FGD4: variants seen among roughly 807,000 people sequenced by gnomAD.
FGD4 encodes the protein FYVE, RhoGEF and PH domain-containing protein 4.
In FGD4, 42 loss-of-function variants were observed where a neutral mutation model predicts 102.0. That is an observed-to-expected ratio of 0.41 (90% CI 0.32 to 0.53). The LOEUF (loss-of-function observed/expected upper bound fraction) is 0.53, where lower values mean the gene tolerates loss of function less well. FGD4 is among the 20% of genes least tolerant of loss of function. FGD4 has a pLI of 0.21. For synonymous variants in FGD4, 380 were observed against 375.7 expected (o/e 1.01, Z -0.13); for missense variants, 902 against 1,078.2 (o/e 0.84, Z 2.29).
rs772795536 is a variant in FGD4 at position 32,640,302 on chromosome 12, A to T, written c.2481A>T (p.Pro827=). The T allele has an allele frequency of 8.1e-6, 13 of 1,614,134 alleles. No homozygotes were observed. Among genetic ancestry groups the T allele is most frequent in the Middle Eastern group, 1.7e-4 (1 of 6,060 alleles). The change falls in exon 17 of 17, where the codon CCA becomes CCT. Residue 827 remains proline, a synonymous_variant. Coordinates refer to ENST00000534526, the MANE Select transcript of FGD4 (RefSeq NM_001370298.3). The part of the protein sequence containing the change: ...PQDVRAQATI[P]LLGYVVDEMP... ...ACGTCAGAGCCCAGGCCACCATTCC[A>T]CTTCTGGGCTATGTGGTGGATGAAA... is the stretch of plus-strand genomic sequence containing the variant.
rs1191423500 is a variant in FGD4, at chr12:32,544,200, T to C, written c.167-19937T>C. Among the ~76,000 whole-genome samples the C allele has an allele frequency of 6.6e-6, 1 of 152,014 alleles. No individual in the cohort carries two copies. Among genetic ancestry groups the C allele is most frequent in the Non-Finnish European group, 1.5e-5 (1 of 68,006 alleles). On this transcript the variant is annotated intron_variant, in intron 1 of 16. Coordinates refer to ENST00000534526, the MANE Select transcript of FGD4 (RefSeq NM_001370298.3). The surrounding 1 kb of genome is among the most constrained non-coding windows in gnomAD (Gnocchi z 4.1). ...CAGCACTTTGGGAGTCCGAGATGGG[T>C]GGATCTCCTGAGGTCAGGATTTCGA... is the stretch of plus-strand genomic sequence containing the variant.
chr12:32,565,750 A>G (rs929129365), intron 2 of FGD4, among the ~76,000 whole-genome samples: 5 of 152,176 alleles, frequency 3.3e-5, no homozygotes, highest in African/African-American at 1.2e-4. Context: ...GCTGTTGTGT[A>G]GTTATATTAA....
chr12:32,487,695 G>A (rs910031111), intron 1 of FGD4, among the ~76,000 whole-genome samples: 4 of 152,298 alleles, frequency 2.6e-5, no homozygotes, highest in African/African-American at 9.6e-5. Flanking sequence ...CCAAAATGCT[G>A]GGATTACAGG....
chr12:32,477,155 G>T (rs1226712382), intron 1 of FGD4, among the ~76,000 whole-genome samples: 1 of 152,014 alleles, frequency 6.6e-6, no homozygotes, highest in African/African-American at 2.4e-5. Context: ...GGGCGTGGTG[G>T]TGGGTGCCTG....
At chr12:32,413,489 A>G (rs1565726012) in intron 1 of FGD4, among the ~76,000 whole-genome samples, 1 of 152,208 alleles carries the variant, frequency 6.6e-6, no homozygotes, top group Non-Finnish European at 1.5e-5. Flanking sequence ...AAAGGGGAAT[A>G]TAATGCATAA....
chr12:32,639,114 A>G (rs1174700132), intron 16 of FGD4, among the ~76,000 whole-genome samples: 1 of 152,190 alleles, frequency 6.6e-6, no homozygotes, highest in African/African-American at 2.4e-5. Context: ...TAATGATAGG[A>G]AACATTAAGA....
rs1200073581 is a variant in FGD4 at position 32,573,453 on chromosome 12, AG to A, written c.320-2812del. On this transcript the variant is annotated intron_variant, in intron 2 of 16. Transcript: ENST00000534526. ...AGCATACAAGATTTCTTTTTCTTTTAGTCCTGCGTTAGATATTCCTCAGTTA... is the reference window on the plus strand; with the variant it reads ...AGCATACAAGATTTCTTTTTCTTTTATCCTGCGTTAGATATTCCTCAGTTA... Among the ~76,000 whole-genome samples the A allele has an allele frequency of 2.0e-5, 3 of 152,248 alleles. No individual in the cohort carries two copies. The East Asian group carries it at 5.8e-4, about 29-fold the overall frequency.
At chr12:32,608,855 A>G (rs903392404) in intron 8 of FGD4, among the ~76,000 whole-genome samples, 1 of 152,214 alleles carries the variant, frequency 6.6e-6, no homozygotes, top group African/African-American at 2.4e-5. Context: ...GAGACGAAGT[A>G]CGTAAAACAT....
chr12:32,529,141 A>G (rs1346715323), intron 1 of FGD4, among the ~76,000 whole-genome samples: 1 of 151,978 alleles, frequency 6.6e-6, no homozygotes, highest in Non-Finnish European at 1.5e-5. Context: ...TTTGAGACGC[A>G]GTCTCACTCT....
chr12:32,417,172 G>T (rs1043822233), intron 1 of FGD4, among the ~76,000 whole-genome samples: 1 of 152,170 alleles, frequency 6.6e-6, no homozygotes, highest in African/African-American at 2.4e-5. Flanking sequence ...GGAATTACGG[G>T]CATGAGCCAC....
intron 1 of FGD4, among the ~76,000 whole-genome samples, chr12:32,415,568 A>G (rs555343919): frequency 2.6e-5 from 4 of 151,820 alleles, no homozygotes; most frequent in Non-Finnish European, 4.4e-5. Context: ...GACTACAGGC[A>G]CCTGCCACCA....
intron 2 of FGD4, among the ~76,000 whole-genome samples, chr12:32,565,074 G>T (rs1220870340): frequency 4.6e-5 from 7 of 152,202 alleles, no homozygotes; most frequent in African/African-American, 1.7e-4. Context: ...AATTACTACA[G>T]TTGGGAAAAA....
Position 32,422,288 on chromosome 12 carries a change from C to CTTTTTTTTTTTTTTTTTTTTTTTTTT in FGD4, c.166+22332_166+22357dup, listed in dbSNP as rs770560590. Among the ~76,000 whole-genome samples, 31 of 54,174 alleles carry CTTTTTTTTTTTTTTTTTTTTTTTTTT rather than the reference C, an allele frequency of 5.7e-4. 8 individuals are homozygous for CTTTTTTTTTTTTTTTTTTTTTTTTTT. The highest frequency in any genetic ancestry group is 7.9e-4 in the Non-Finnish European group (24 of 30,242). 35.5% of individuals were successfully genotyped at this position (54,174 alleles called of 152,430 possible). A position where few individuals can be genotyped will look rare whatever the true frequency, so the allele number is the denominator to read the frequency against. On this transcript the variant is annotated intron_variant, in intron 1 of 16. Transcript: ENST00000534526. ...TTGAAGCATCTCAAATTGGGAGCTGCTTTTTTTTTTTTTTTTTTTTTTTTT... is the reference window on the plus strand; with the variant it reads ...TTGAAGCATCTCAAATTGGGAGCTGCTTTTTTTTTTTTTTTTTTTTTTTTTTTTTTTTTTTTTTTTTTTTTTTTTTT...
chr12:32,586,581 G>C (rs1456602429), intron 4 of FGD4, among the ~76,000 whole-genome samples: 2 of 152,142 alleles, frequency 1.3e-5, no homozygotes, highest in East Asian at 3.9e-4. Context: ...GTGGGTTTTT[G>C]AAAAATGAGT....
chr12:32,436,904 G>A (rs1442024201), intron 1 of FGD4, among the ~76,000 whole-genome samples: 1 of 152,018 alleles, frequency 6.6e-6, no homozygotes, highest in Non-Finnish European at 1.5e-5. Context: ...GATAGCTTGA[G>A]ATCAGGAGTT....
At chr12:32,616,849 G>A (rs555052569) in intron 10 of FGD4, among the ~76,000 whole-genome samples, 1 of 152,322 alleles carries the variant, frequency 6.6e-6, no homozygotes, top group South Asian at 2.1e-4. Context: ...GAACACCTGA[G>A]ACTGGCTAAT....
At chr12:32,454,965 A>G (rs1331436317) in intron 1 of FGD4, among the ~76,000 whole-genome samples, 1 of 152,124 alleles carries the variant, frequency 6.6e-6, no homozygotes, top group Non-Finnish European at 1.5e-5. Context: ...CCTACTTAGA[A>G]TGGTTCTTTG....
chr12:32,598,458 G>T (rs1948083668), intron 4 of FGD4, 39 bp from the exon 5 acceptor site: 2 of 1,346,824 alleles, frequency 1.5e-6, no homozygotes, highest in Non-Finnish European at 2.1e-6. Context: ...ATTGTCCAAG[G>T]TATCTTTCCT....
At chr12:32,454,651 TAA>T (rs1278971523) in intron 1 of FGD4, among the ~76,000 whole-genome samples, 2 of 152,206 alleles carry the variant, frequency 1.3e-5, no homozygotes, top group Non-Finnish European at 1.5e-5. Context: ...TTGTTTTAAG[TAA>T]GTTTTGATTC....
Sources: allele counts gnomAD v4.1 joint callset (sites outside exome capture counted in the v4.1 genomes callset), GRCh38; gene constraint gnomAD v4.1.1; non-coding constraint Gnocchi (gnomAD v3.1); transcripts MANE v1.5; gene names NCBI Gene and HGNC (gene_info 2026-07-23, HGNC 2026-07-21).